The following PCDH9 variants were observed in gnomAD, a reference collection of about 807,000 sequenced individuals.
The protein encoded by PCDH9 is protocadherin-9.
In PCDH9, 24 loss-of-function variants were observed where a neutral mutation model predicts 70.6. The observed-to-expected ratio is 0.34, with a 90% CI of 0.25 to 0.48. The LOEUF is 0.48. Ranked by LOEUF, PCDH9 falls within the 20% of genes least tolerant of loss-of-function variation. The probability of loss-of-function intolerance (pLI) is 0.99; values close to 1 mark genes in which losing one functional copy is unlikely to be tolerated. For synonymous variants in PCDH9, 562 were observed against 558.5 expected, an observed-to-expected ratio of 1.01 and a Z score of -0.09; for missense variants, 1,281 against 1,503.6, an observed-to-expected ratio of 0.85 and a Z score of 2.45.
intron 4 of PCDH9, among the ~76,000 whole-genome samples, chr13:66,360,808 T>C (rs969902991): frequency 7.9e-5 from 12 of 152,066 alleles, no homozygotes; most frequent in Admixed American, 7.9e-4. Context: ...ACCTCATCAA[T>C]ACCTTTCTAA....
At chr13:66,592,883 T>A (rs2077055197) in intron 4 of PCDH9, among the ~76,000 whole-genome samples, 1 of 151,724 alleles carries the variant, frequency 6.6e-6, no homozygotes, top group Admixed American at 6.6e-5. Flanking sequence ...ATAGATATAA[T>A]TTAATGTCAG....
At chr13:66,322,197 C>T (rs1473187130) in intron 4 of PCDH9, among the ~76,000 whole-genome samples, 1 of 151,818 alleles carries the variant, frequency 6.6e-6, no homozygotes, top group East Asian at 1.9e-4. Context: ...ATTCTGGGTT[C>T]AGAGTACTCA....
At chr13:67,092,974 T>C (rs1481149963) in intron 2 of PCDH9, among the ~76,000 whole-genome samples, 1 of 152,050 alleles carries the variant, frequency 6.6e-6, no homozygotes, top group Non-Finnish European at 1.5e-5. Flanking sequence ...AAAAAAACTA[T>C]AGTAACTTCT....
intron 4 of PCDH9, among the ~76,000 whole-genome samples, chr13:66,435,097 A>T (rs891557775): frequency 1.3e-5 from 2 of 152,150 alleles, no homozygotes; most frequent in Non-Finnish European, 2.9e-5. Flanking sequence ...TGGCTTAGGA[A>T]ACTGCTCACT....
chr13:66,975,344 G>A (rs914230846), intron 2 of PCDH9, among the ~76,000 whole-genome samples: 6 of 152,022 alleles, frequency 3.9e-5, no homozygotes, highest in African/African-American at 7.2e-5. Context: ...TGGATTTTTT[G>A]TTAGGATAAG....
intron 2 of PCDH9, among the ~76,000 whole-genome samples, chr13:67,040,046 A>G (rs929549334): frequency 6.6e-6 from 1 of 152,260 alleles, no homozygotes; most frequent in African/African-American, 2.4e-5. Context: ...CAAACAGTCC[A>G]TAATACTAAA....
At chr13:67,074,076 T>G (rs867902523) in intron 2 of PCDH9, among the ~76,000 whole-genome samples, 1 of 139,732 alleles carries the variant, frequency 7.2e-6, no homozygotes, top group South Asian at 2.3e-4. Context: ...ATCTATCTGT[T>G]TATTATCTAT....
chr13:66,961,723 C>A (rs2083348951), intron 2 of PCDH9, among the ~76,000 whole-genome samples: 1 of 152,038 alleles, frequency 6.6e-6, no homozygotes. Context: ...TAAGAAAAAT[C>A]ACATTAATTT....
At chr13:67,067,312 GA>G (rs2085667013) in intron 2 of PCDH9, among the ~76,000 whole-genome samples, 1 of 152,070 alleles carries the variant, frequency 6.6e-6, no homozygotes, top group Non-Finnish European at 1.5e-5. Context: ...CTAGTGACAA[GA>G]AATAGGCAAA....
At chr13:66,636,404 G>A (rs897969425) in intron 3 of PCDH9, among the ~76,000 whole-genome samples, 2 of 151,984 alleles carry the variant, frequency 1.3e-5, no homozygotes, top group East Asian at 3.9e-4. Flanking sequence ...CTTTCTTTAC[G>A]TAGTTTTTTA....
chr13:66,808,213 G>T (rs2080441266), intron 3 of PCDH9, among the ~76,000 whole-genome samples: 1 of 152,140 alleles, frequency 6.6e-6, no homozygotes, highest in South Asian at 2.1e-4. Context: ...TATGAGGAAA[G>T]AATTGTATTT....
intron 3 of PCDH9, among the ~76,000 whole-genome samples, chr13:66,701,003 G>T (rs1029880146): frequency 1.5e-5 from 2 of 129,740 alleles, no homozygotes; most frequent in African/African-American, 5.8e-5. Flanking sequence ...TAATTTAGAG[G>T]CCTTTTTCTC....
At chr13:66,783,992 A>G (rs1217568150) in intron 3 of PCDH9, among the ~76,000 whole-genome samples, 1 of 152,210 alleles carries the variant, frequency 6.6e-6, no homozygotes, top group Non-Finnish European at 1.5e-5. Context: ...GTAAGATGAA[A>G]TTAAATAATT....
chr13:66,704,264 A>G (rs2078684451), intron 3 of PCDH9, among the ~76,000 whole-genome samples: 1 of 152,342 alleles, frequency 6.6e-6, no homozygotes, highest in South Asian at 2.1e-4. Flanking sequence ...TAATACATTT[A>G]AAAATTATAG....
chr13:66,470,793 G>A (rs1346787467), intron 4 of PCDH9, among the ~76,000 whole-genome samples: 1 of 151,346 alleles, frequency 6.6e-6, no homozygotes, highest in Non-Finnish European at 1.5e-5. Flanking sequence ...CAAATGACTG[G>A]GATCAATTCT....
At chr13:66,403,589 C>G (rs1357545425) in intron 4 of PCDH9, among the ~76,000 whole-genome samples, 1 of 152,016 alleles carries the variant, frequency 6.6e-6, no homozygotes, top group Admixed American at 6.6e-5. Context: ...CTACAAAATA[C>G]TGAAGACTCT....
chr13:66,869,936 A>G (rs1201759646), intron 3 of PCDH9, among the ~76,000 whole-genome samples: 1 of 152,164 alleles, frequency 6.6e-6, no homozygotes, highest in Non-Finnish European at 1.5e-5. Context: ...TCAAAGTCTT[A>G]CTTGTCAATT....
At chr13:66,445,713 CATATATAATACATACACAT>C (rs959910531) in intron 4 of PCDH9, among the ~76,000 whole-genome samples, 1 of 143,094 alleles carries the variant, frequency 7.0e-6, no homozygotes, top group Non-Finnish European at 1.5e-5. Context: ...TATGTATACA[CATATATAATACATACACAT>C]ATATATTATA....
chr13:66,404,895 TATAAC>T (rs1192120672), intron 4 of PCDH9, among the ~76,000 whole-genome samples: 2 of 152,208 alleles, frequency 1.3e-5, no homozygotes, highest in South Asian at 4.1e-4. Flanking sequence ...CATTCCTGCT[TATAAC>T]ATACTGTAAA....
Sources: allele counts gnomAD v4.1 joint callset (sites outside exome capture counted in the v4.1 genomes callset), GRCh38; gene constraint gnomAD v4.1.1; transcripts MANE v1.5; gene names NCBI Gene and HGNC (gene_info 2026-07-23, HGNC 2026-07-21).